The following AFF3 variants were observed in gnomAD, a reference collection of about 807,000 sequenced individuals.
AFF3 encodes the protein AF4/FMR2 family member 3.
AFF3 carries 32 observed loss-of-function variants against 129.7 expected under a neutral mutation model. The observed-to-expected ratio is 0.25, with a 90% CI of 0.19 to 0.33. The LOEUF (loss-of-function observed/expected upper bound fraction) is 0.33. AFF3 is among the 10% of genes least tolerant of loss of function. The pLI, the probability that AFF3 is intolerant of heterozygous loss-of-function variation, is 1.00. For synonymous variants in AFF3, 644 were observed against 635.4 expected (o/e 1.01, Z -0.20); for missense variants, 1,373 against 1,592.0 (o/e 0.86, Z 2.34).
intron 7 of AFF3, among the ~76,000 whole-genome samples, chr2:99,929,678 A>C (rs72953772): frequency 6.6e-6 from 1 of 152,168 alleles, no homozygotes; most frequent in Non-Finnish European, 1.5e-5. Context: ...CCTTCACTTG[A>C]TTTAGACTCC....
chr2:99,733,042 A>T (rs148278845), intron 10 of AFF3, among the ~76,000 whole-genome samples: 241 of 152,268 alleles, frequency 1.6e-3, no homozygotes, highest in Non-Finnish European at 2.4e-3. Context: ...AATAAGAGTC[A>T]TACATATAGT....
chr2:99,898,405 G>A (rs1576306178), intron 7 of AFF3, among the ~76,000 whole-genome samples: 1 of 152,036 alleles, frequency 6.6e-6, no homozygotes, highest in Admixed American at 6.5e-5. Flanking sequence ...ATGCCATCTC[G>A]CAGCCACATC....
chr2:99,701,754 C>G (rs1325481438), intron 11 of AFF3, among the ~76,000 whole-genome samples: 2 of 152,208 alleles, frequency 1.3e-5, no homozygotes, highest in Non-Finnish European at 2.9e-5. Flanking sequence ...AACAGTCTAC[C>G]ACAATCAAAG....
At chr2:99,770,846 C>G (rs944388949) in intron 8 of AFF3, among the ~76,000 whole-genome samples, 5 of 152,118 alleles carry the variant, frequency 3.3e-5, no homozygotes, top group Admixed American at 6.5e-5. Context: ...TGTGGCTGAG[C>G]TGATAACCAA....
chr2:99,988,770 CTGAACACTGCCCTAG>C (rs1680092256), intron 7 of AFF3, among the ~76,000 whole-genome samples: 1 of 147,046 alleles, frequency 6.8e-6, no homozygotes, highest in African/African-American at 2.4e-5. Context: ...ATGGGGGACA[CTGAACACTGCCCTAG>C]GAAAGAGAGG....
At chr2:99,687,776 T>C (rs771214777) in intron 11 of AFF3, among the ~76,000 whole-genome samples, 3 of 152,196 alleles carry the variant, frequency 2.0e-5, no homozygotes, top group Non-Finnish European at 4.4e-5. Flanking sequence ...CCGTGTCCAG[T>C]TTTCCTTGTC....
chr2:99,814,857 T>C (rs554746530), intron 8 of AFF3, among the ~76,000 whole-genome samples: 1 of 151,104 alleles, frequency 6.6e-6, no homozygotes, highest in Admixed American at 6.6e-5. Flanking sequence ...ATTATACTTT[T>C]TTTTTTTTTT....
In AFF3 at chr2:100,014,783, C is replaced by CTTTTTTTTTT. The variant is rs60456923; in HGVS notation, c.54-5861_54-5852dup. 7.7e-4 allele frequency among the ~76,000 whole-genome samples: 93 copies of CTTTTTTTTTT among 120,394 alleles called. 6 individuals are homozygous for CTTTTTTTTTT. Among genetic ancestry groups the CTTTTTTTTTT allele is most frequent in the Non-Finnish European group, 1.2e-3 (68 of 57,874 alleles). 79.0% of individuals were successfully genotyped at this position (120,394 alleles called of 152,430 possible). On this transcript the variant is annotated intron_variant, in intron 4 of 24. Coordinates refer to ENST00000672756, the MANE Select transcript of AFF3 (RefSeq NM_001386135.1). ...CCATACCTCCATACCACCTTGCTTCCTTTTTTTTTTTTTTTTTTTAGACGG... is the reference window on the plus strand; with the variant it reads ...CCATACCTCCATACCACCTTGCTTCCTTTTTTTTTTTTTTTTTTTTTTTTTTTTTAGACGG...
intron 7 of AFF3, among the ~76,000 whole-genome samples, chr2:99,957,357 C>A (rs1350606904): frequency 6.6e-6 from 1 of 152,114 alleles, no homozygotes; most frequent in Non-Finnish European, 1.5e-5. Context: ...ATGCAGAAAT[C>A]AATTAAAATC....
At chr2:99,732,483 C>T (rs1350836724) in intron 10 of AFF3, among the ~76,000 whole-genome samples, 3 of 151,224 alleles carry the variant, frequency 2.0e-5, no homozygotes, top group South Asian at 2.1e-4. Flanking sequence ...AAACTTCATA[C>T]GACTCTAATC....
chr2:100,013,781 G>A (rs1682754821), intron 4 of AFF3, among the ~76,000 whole-genome samples: 1 of 152,208 alleles, frequency 6.6e-6, no homozygotes, highest in African/African-American at 2.4e-5. Flanking sequence ...ATAGAAATCA[G>A]TCTCTTTCCA....
At chr2:100,065,177 C>T (rs1415151728) in intron 4 of AFF3, among the ~76,000 whole-genome samples, 1 of 152,154 alleles carries the variant, frequency 6.6e-6, no homozygotes, top group African/African-American at 2.4e-5. Context: ...CTTCTTCTGG[C>T]TGTGTTTTAA....
chr2:99,922,595 G>A (rs1439071896), intron 7 of AFF3, among the ~76,000 whole-genome samples: 2 of 152,176 alleles, frequency 1.3e-5, no homozygotes, highest in Admixed American at 6.5e-5. Flanking sequence ...AAAGTGGCAT[G>A]GGGGAGCTTT....
intron 4 of AFF3, among the ~76,000 whole-genome samples, chr2:100,044,341 A>G (rs891120117): frequency 1.3e-5 from 2 of 152,194 alleles, no homozygotes; most frequent in Non-Finnish European, 2.9e-5. Context: ...TTCATCTGTC[A>G]CTGTCCACTA....
intron 21 of AFF3, among the ~76,000 whole-genome samples, chr2:99,559,998 C>T (rs1438458872): frequency 1.3e-5 from 2 of 152,232 alleles, no homozygotes; most frequent in African/African-American, 2.4e-5. Context: ...CGATGGCTCA[C>T]GCCTGTAATC....
chr2:99,690,832 C>G lies in AFF3; in HGVS notation c.1092-18243G>C, dbSNP rs765915965. 3.8e-4 allele frequency among the ~76,000 whole-genome samples: 57 copies of G among 150,718 alleles called. 1 individual carries two copies. The Middle Eastern group carries it at 0.01, about 27-fold the overall frequency. ...ATGTGTATTTTGAAGAGTTTATACTCAGGCATAGTGGAGATCCCTTCTTTC... is the reference window on the plus strand; with the variant it reads ...ATGTGTATTTTGAAGAGTTTATACTGAGGCATAGTGGAGATCCCTTCTTTC... On this transcript the variant is annotated intron_variant, in intron 11 of 24. Coordinates refer to ENST00000672756, the MANE Select transcript of AFF3 (RefSeq NM_001386135.1).
intron 4 of AFF3, among the ~76,000 whole-genome samples, chr2:100,074,547 A>C (rs1337161732): frequency 6.6e-6 from 1 of 152,216 alleles, no homozygotes; most frequent in Non-Finnish European, 1.5e-5. Context: ...GACTTAAAAA[A>C]TGGTTTGTTA....
intron 7 of AFF3, among the ~76,000 whole-genome samples, chr2:99,858,433 T>A (rs1160148310): frequency 6.6e-6 from 1 of 150,672 alleles, no homozygotes; most frequent in Non-Finnish European, 1.5e-5. Flanking sequence ...CACCTGTAGT[T>A]CTAGCTACTC....
At chr2:99,919,351 C>T (rs1396392104) in intron 7 of AFF3, among the ~76,000 whole-genome samples, 1 of 151,892 alleles carries the variant, frequency 6.6e-6, no homozygotes, top group African/African-American at 2.4e-5. Flanking sequence ...CTGTTTTATG[C>T]CCTCTTGTCT....
Sources: allele counts gnomAD v4.1 joint callset (sites outside exome capture counted in the v4.1 genomes callset), GRCh38; gene constraint gnomAD v4.1.1; transcripts MANE v1.5; gene names NCBI Gene and HGNC (gene_info 2026-07-23, HGNC 2026-07-21).